P2RY2: variants seen among roughly 807,000 people sequenced by gnomAD.
The protein encoded by P2RY2 is P2Y purinoceptor 2.
For missense variants in P2RY2, 567 were observed against 515.7 expected (o/e 1.10, Z -0.96); for synonymous variants, 241 against 231.9 (o/e 1.04, Z -0.35).
rs76248565 is a variant in P2RY2 at position 73,238,206 on chromosome 11, G to A, written c.*2913G>A. Among the ~76,000 whole-genome samples, 5,384 of 152,312 alleles carry A rather than the reference G, an allele frequency of 0.035. 121 individuals are homozygous for A. Among genetic ancestry groups the A allele is most frequent in the Non-Finnish European group, 0.054 (3,678 of 68,020 alleles). ...AGCTCTTCCTGCCCAGGGTGACTGG[G>A]ATGGAGCCATAGACCTGAGGCCAGG... On this transcript the variant is annotated 3_prime_UTR_variant, in exon 3 of 3. Transcript: ENST00000393597.
chr11:73,220,797 A>G (rs141147073), intron 1 of P2RY2, among the ~76,000 whole-genome samples: 3 of 150,922 alleles, frequency 2.0e-5, no homozygotes, highest in Non-Finnish European at 3.0e-5. Context: ...TGAGGCTGTG[A>G]CTCCTCTGTT....
Position 73,231,031 on chromosome 11 carries a change from C to T in P2RY2, c.-5+2856C>T, listed in dbSNP as rs559841504. Among the ~76,000 whole-genome samples, 16 of 152,214 alleles carry T rather than the reference C, an allele frequency of 1.1e-4. No individual in the cohort carries two copies. The East Asian group carries it at 1.5e-3, about 15-fold the overall frequency. ...GGAACTGTCCTGACCCTGGGTAAGACGGGTCTCAGCCACTTGACCTGCCAG... is the reference window on the plus strand; with the variant it reads ...GGAACTGTCCTGACCCTGGGTAAGATGGGTCTCAGCCACTTGACCTGCCAG... On this transcript the variant is annotated intron_variant, in intron 2 of 2. Coordinates refer to ENST00000393597, the MANE Select transcript of P2RY2 (RefSeq NM_002564.4).
Position 73,234,960 on chromosome 11 carries a change from C to G in P2RY2, c.801C>G (p.Leu267=). 1 of 1,610,808 alleles carries G rather than the reference C, an allele frequency of 6.2e-7. No homozygotes were observed. ...CFLPFHVTRT[L]YYSFRSLDLS... is the part of the protein sequence containing the mutation. The stretch of plus-strand genomic sequence containing the variant: ...TGCCATTCCACGTCACCCGCACCCT[C>G]TACTACTCCTTCCGCTCGCTGGACC... The change falls in exon 3 of 3, where the codon CTC becomes CTG. Residue 267 remains leucine, a synonymous_variant. Transcript: ENST00000393597.
rs773984399 is a variant in P2RY2, at chr11:73,234,244, G to A, written c.85G>A (p.Glu29Lys). Residue 29 changes from glutamate to lysine, a missense_variant, in exon 3 of 3, where the codon GAG (glutamate) becomes AAG (lysine). Coordinates refer to ENST00000393597, the MANE Select transcript of P2RY2 (RefSeq NM_002564.4). ...DELGYRCRFN[E>K]DFKYVLLPVS... ...GCTGGGCTACAGGTGCCGCTTCAAC[G>A]AGGACTTCAAGTACGTGCTGCTGCC... is the stretch of plus-strand genomic sequence containing the variant. 5.0e-6 allele frequency: 8 copies of A among 1,614,174 alleles called. No homozygotes were observed. The highest frequency in any genetic ancestry group is 2.2e-5 in the East Asian group (1 of 44,880).
Position 73,235,286 on chromosome 11 carries a change from G to A in P2RY2, c.1127G>A (p.Arg376Gln), listed in dbSNP as rs148042673. Residue 376 changes from arginine to glutamine, a missense_variant, in exon 3 of 3, where the codon CGG (arginine) becomes CAG (glutamine). Physicochemically the swap from Arg to Gln is conservative, Grantham distance 43 (BLOSUM62 1). Coordinates refer to ENST00000393597, the MANE Select transcript of P2RY2 (RefSeq NM_002564.4). ...PAGSENTKDI[R>Q]L ...GGTAGCGAGAACACTAAGGACATTC[G>A]GCTGTAGGAGCAGAACACTTCAGCC... is the stretch of plus-strand genomic sequence containing the variant. 228 of 1,552,844 alleles carry A rather than the reference G, an allele frequency of 1.5e-4. 1 individual carries two copies. The South Asian group carries it at 2.5e-3, about 17-fold the overall frequency.
chr11:73,234,869 C>T lies in P2RY2; in HGVS notation c.710C>T (p.Pro237Leu). ...KPAYGTSGGL[P>L]RAKRKSVRTI... The stretch of plus-strand genomic sequence containing the variant: ...GCCTACGGGACCTCGGGCGGCCTGC[C>T]TAGGGCCAAGCGCAAGTCCGTGCGC... Residue 237 changes from proline to leucine, a missense_variant, in exon 3 of 3, where the codon CCT (proline) becomes CTT (leucine). Physicochemically the swap from Pro to Leu is moderately conservative, Grantham distance 98. Coordinates refer to ENST00000393597, the MANE Select transcript of P2RY2 (RefSeq NM_002564.4). The T allele has an allele frequency of 1.2e-6, 2 of 1,610,696 alleles. No individual in the cohort carries two copies. The highest frequency in any genetic ancestry group is 2.2e-5 in the South Asian group (2 of 91,076).
At chr11:73,225,291 C>A (rs1298364891) in intron 1 of P2RY2, among the ~76,000 whole-genome samples, 1 of 152,220 alleles carries the variant, frequency 6.6e-6, no homozygotes, top group Non-Finnish European at 1.5e-5. Flanking sequence ...AGCCTAGAAC[C>A]ACAAAGAGAA....
chr11:73,220,476 C>T (rs1862086321), intron 1 of P2RY2, among the ~76,000 whole-genome samples: 1 of 152,332 alleles, frequency 6.6e-6, no homozygotes, highest in Admixed American at 6.5e-5. Context: ...GCCCTTGCCC[C>T]TTGGCCAAAC....
At chr11:73,229,377 G>C (rs1312048964) in intron 2 of P2RY2, among the ~76,000 whole-genome samples, 1 of 152,144 alleles carries the variant, frequency 6.6e-6, no homozygotes. Context: ...AGCCAGACCA[G>C]GGCGCAGCGG....
In P2RY2 at chr11:73,234,755, G is replaced by A. The variant is rs1431413899; in HGVS notation, c.596G>A (p.Ser199Asn). Residue 199 changes from serine (S) to asparagine (N), a missense_variant, in exon 3 of 3, where the codon AGC (serine) becomes AAC (asparagine). Ser to Asn is a conservative substitution (Grantham distance 46). Coordinates refer to ENST00000393597, the MANE Select transcript of P2RY2 (RefSeq NM_002564.4). ...PELFSRFVAY[S>N]SVMLGLLFAV... ...CTCTTCAGCCGCTTCGTGGCCTACA[G>A]CTCAGTCATGCTGGGCCTGCTCTTC... 2.5e-6 allele frequency: 4 copies of A among 1,611,058 alleles called. No individual in the cohort carries two copies. Among genetic ancestry groups the A allele is most frequent in the Middle Eastern group, 3.3e-4 (2 of 6,062 alleles).
At position 73,240,716 on chromosome 11, in the gene P2RY2, T is replaced by G. The variant is rs868532508; in HGVS notation, c.*5423T>G. On this transcript the variant is annotated 3_prime_UTR_variant, in exon 3 of 3. Transcript: ENST00000393597. Reference sequence around the variant, plus strand: ...TTCATTAGCTCCAGTCTGTGGCTCCTGGACTGGAGCTACAGTGGTGAGAGC... The same window carrying G: ...TTCATTAGCTCCAGTCTGTGGCTCCGGGACTGGAGCTACAGTGGTGAGAGC... 6.6e-6 allele frequency: 1 copy of G among 152,220 alleles called. No homozygotes were observed. The allele number at this position is 152,220 out of a possible 1,614,324, so 9.4% of individuals were successfully genotyped here.
chr11:73,230,119 G>C (rs981780523), intron 2 of P2RY2, among the ~76,000 whole-genome samples: 2 of 151,992 alleles, frequency 1.3e-5, no homozygotes, highest in African/African-American at 4.8e-5. Flanking sequence ...TCTCGCAAGG[G>C]GGCCTCTCCT....
chr11:73,237,006 C>A lies in P2RY2; in HGVS notation c.*1713C>A, dbSNP rs971975445. On this transcript the variant is annotated 3_prime_UTR_variant, in exon 3 of 3. Coordinates refer to ENST00000393597, the MANE Select transcript of P2RY2 (RefSeq NM_002564.4). ...CTCGCCCTGTGGCCCACTCTGCCTG[C>A]CCCCTCTGACCTCTCCACCCTTCCC... 1.0e-6 allele frequency: 1 copy of A among 985,154 alleles called. No individual in the cohort carries two copies. Among genetic ancestry groups the A allele is most frequent in the Non-Finnish European group, 1.2e-6 (1 of 829,864 alleles). 61.0% of individuals were successfully genotyped at this position (985,154 alleles called of 1,614,324 possible). A position where few individuals can be genotyped will look rare whatever the true frequency, so the allele number is the denominator to read the frequency against.
At chr11:73,221,790 G>A (rs577855707) in intron 1 of P2RY2, among the ~76,000 whole-genome samples, 7 of 152,282 alleles carry the variant, frequency 4.6e-5, no homozygotes, top group South Asian at 4.1e-4. Flanking sequence ...CTCATCCAGC[G>A]GCCAGTTGCA....
rs1386651932 is a variant in P2RY2 at position 73,238,745 on chromosome 11, G to T, written c.*3452G>T. Among the ~76,000 whole-genome samples the T allele has an allele frequency of 6.6e-6, 1 of 152,228 alleles. No homozygotes were observed. Among genetic ancestry groups the T allele is most frequent in the African/African-American group, 2.4e-5 (1 of 41,456 alleles). On this transcript the variant is annotated 3_prime_UTR_variant, in exon 3 of 3. Transcript: ENST00000393597. Reference sequence around the variant, plus strand: ...GTTCCAGGTTATCCAGGCTGTCAGGGTGAGTCAGAGTGAGTCCAGGTTCAC... The same window carrying T: ...GTTCCAGGTTATCCAGGCTGTCAGGTTGAGTCAGAGTGAGTCCAGGTTCAC...
intron 2 of P2RY2, among the ~76,000 whole-genome samples, chr11:73,229,487 C>G (rs1321242677): frequency 6.6e-6 from 1 of 152,068 alleles, no homozygotes; most frequent in African/African-American, 2.4e-5. Context: ...GGGCTGGGGA[C>G]TTGGCTGTCC....
intron 1 of P2RY2, among the ~76,000 whole-genome samples, chr11:73,226,870 G>C (rs1591630294): frequency 6.6e-6 from 1 of 152,168 alleles, no homozygotes; most frequent in South Asian, 2.1e-4. Flanking sequence ...CTGACTTACT[G>C]TGAGGCTTGG....
rs776196843 is a variant in P2RY2 at position 73,228,082 on chromosome 11, C to T, written c.-98C>T. Reference sequence around the variant, plus strand: ...TTTTTCCTGTTTCCCGCAGAGTTCCCTGCAGCCCGGTCCAGGTCCAGGCGT... The same window carrying T: ...TTTTTCCTGTTTCCCGCAGAGTTCCTTGCAGCCCGGTCCAGGTCCAGGCGT... On this transcript the variant is annotated 5_prime_UTR_variant, in exon 2 of 3. Transcript: ENST00000393597. The T allele has an allele frequency of 6.6e-6, 1 of 151,992 alleles. No individual in the cohort carries two copies. The highest frequency in any genetic ancestry group is 2.4e-5 in the African/African-American group (1 of 41,328). 9.4% of individuals were successfully genotyped at this position (151,992 alleles called of 1,614,324 possible).
rs1424749676 is a variant in P2RY2, at chr11:73,236,876, T to C, written c.*1583T>C. On this transcript the variant is annotated 3_prime_UTR_variant, in exon 3 of 3. Transcript: ENST00000393597. ...TCTGGGCTGACGTGTGGCGCTCAGC[T>C]GGACAGGGCCCCGCCCTAGCCTTTG... 3 of 985,174 alleles carry C rather than the reference T, an allele frequency of 3.0e-6. No homozygotes were observed. Among genetic ancestry groups the C allele is most frequent in the African/African-American group, 1.7e-5 (1 of 57,196 alleles). The allele number at this position is 985,174 out of a possible 1,614,324, so 61.0% of individuals were successfully genotyped here.
Sources: gnomAD v4.1 joint callset for allele counts (sites outside exome capture counted in the v4.1 genomes callset) on GRCh38, gnomAD v4.1.1 for gene constraint, MANE v1.5 for transcripts, NCBI Gene and HGNC (gene_info 2026-07-23, HGNC 2026-07-21) for gene names.